Variants in PDE3B observed in about 807,000 individuals in gnomAD.
The protein encoded by PDE3B is cGMP-inhibited 3',5'-cyclic phosphodiesterase 3B.
Under a neutral mutation model 116.8 loss-of-function variants are expected in PDE3B, and 66 were observed. The observed-to-expected ratio is 0.56, with a 90% CI of 0.46 to 0.69. The LOEUF (loss-of-function observed/expected upper bound fraction) is 0.69, where lower values mean the gene tolerates loss of function less well. Ranked by LOEUF, PDE3B falls within the 30% of genes least tolerant of loss-of-function variation. The pLI is 0.00. For synonymous variants in PDE3B, 595 were observed against 533.6 expected (o/e 1.12, Z -1.59); for missense variants, 1,384 against 1,368.1 (o/e 1.01, Z -0.18).
chr11:14,682,906 T>C (rs551905120), intron 1 of PDE3B, among the ~76,000 whole-genome samples: 11 of 152,074 alleles, frequency 7.2e-5, no homozygotes, highest in African/African-American at 2.4e-4. Context: ...TTCTTCTTTT[T>C]TAAATATTTT....
At chr11:14,736,383 G>A (rs373544746) in intron 1 of PDE3B, among the ~76,000 whole-genome samples, 11 of 152,206 alleles carry the variant, frequency 7.2e-5, no homozygotes, top group African/African-American at 2.2e-4. Context: ...GCCCTGGTGC[G>A]TGGGGCACAT....
intron 2 of PDE3B, chr11:14,774,414 G>C (rs143688717): frequency 4.6e-4 from 70 of 152,246 alleles, no homozygotes; most frequent in African/African-American, 1.6e-3. Context: ...AATTTCAATA[G>C]TAATAAATAC....
the PDE3B span, among the ~76,000 whole-genome samples, chr11:14,882,345 A>G: frequency 6.6e-6 from 1 of 152,140 alleles, no homozygotes; most frequent in East Asian, 1.9e-4. Flanking sequence ...CATCTGAGTA[A>G]ACATTCATAG....
intron 1 of PDE3B, among the ~76,000 whole-genome samples, chr11:14,763,119 TG>T (rs1226036715): frequency 6.6e-6 from 1 of 152,148 alleles, no homozygotes; most frequent in Non-Finnish European, 1.5e-5. Flanking sequence ...GTCACAGCAA[TG>T]TTAAAACATC....
At chr11:14,819,412 C>T (rs563862038) in intron 7 of PDE3B, among the ~76,000 whole-genome samples, 59 of 151,954 alleles carry the variant, frequency 3.9e-4, no homozygotes, top group African/African-American at 1.4e-3. Flanking sequence ...TAAAAATGTC[C>T]CATACAAATG....
downstream of PDE3B, among the ~76,000 whole-genome samples, chr11:14,875,508 G>A (rs1848180780): frequency 6.6e-6 from 1 of 152,174 alleles, no homozygotes; most frequent in Non-Finnish European, 1.5e-5. Flanking sequence ...TGATGAGAGA[G>A]AAGGCATCCC....
intron 1 of PDE3B, among the ~76,000 whole-genome samples, chr11:14,731,979 G>C (rs980480502): frequency 6.6e-6 from 1 of 152,268 alleles, no homozygotes; most frequent in Non-Finnish European, 1.5e-5. Context: ...AATTCTAGGG[G>C]TTAGGAAAGG....
chr11:14,799,864 C>T (rs1858691433), intron 4 of PDE3B, among the ~76,000 whole-genome samples: 1 of 151,430 alleles, frequency 6.6e-6, no homozygotes, highest in South Asian at 2.1e-4. Context: ...CTGAATACAG[C>T]ACACTGATGG....
chr11:14,896,447 A>G, the PDE3B span, among the ~76,000 whole-genome samples: 1 of 152,186 alleles, frequency 6.6e-6, no homozygotes, highest in Non-Finnish European at 1.5e-5. Context: ...TGGGGTTTAC[A>G]TTCTATTGGG....
the PDE3B span, among the ~76,000 whole-genome samples, chr11:14,899,008 G>A: frequency 6.6e-6 from 1 of 152,300 alleles, no homozygotes; most frequent in Non-Finnish European, 1.5e-5. Context: ...CTCTGGCTGA[G>A]CCTGCACAGA....
intron 1 of PDE3B, among the ~76,000 whole-genome samples, chr11:14,661,024 G>C (rs1213089828): frequency 6.6e-6 from 1 of 152,180 alleles, no homozygotes; most frequent in Non-Finnish European, 1.5e-5. Flanking sequence ...GAAACAACAG[G>C]TGCTGGAGAG....
chr11:14,644,518 G>A lies in PDE3B; in HGVS notation c.443G>A (p.Ser148Asn), dbSNP rs1853317218. ...RTKRGPGPGR[S>N]CGSWWLLALP... ...AAGCGGGGACCCGGCCCGGGCCGGA[G>A]CTGCGGCTCCTGGTGGCTGCTGGCG... Residue 148 changes from serine (S) to asparagine (N), a missense_variant, in exon 1 of 16, where the codon AGC becomes AAC. Transcript: ENST00000282096. 1 of 1,608,494 alleles carries A rather than the reference G, an allele frequency of 6.2e-7. No homozygotes were observed. The highest frequency in any genetic ancestry group is 8.5e-7 in the Non-Finnish European group (1 of 1,177,708).
At chr11:14,645,711 G>T (rs534344860) in intron 1 of PDE3B, among the ~76,000 whole-genome samples, 1 of 151,876 alleles carries the variant, frequency 6.6e-6, no homozygotes, top group Non-Finnish European at 1.5e-5. Context: ...CTTTAAACTT[G>T]GTAATTCCTG....
chr11:14,810,937 C>T (rs1306288086), intron 5 of PDE3B, among the ~76,000 whole-genome samples: 1 of 149,088 alleles, frequency 6.7e-6, no homozygotes, highest in Non-Finnish European at 1.5e-5. Flanking sequence ...AGCATTTTTT[C>T]ATGTGTTTTT....
chr11:14,747,289 T>C (rs1302536204), intron 1 of PDE3B, among the ~76,000 whole-genome samples: 1 of 152,106 alleles, frequency 6.6e-6, no homozygotes, highest in Non-Finnish European at 1.5e-5. Flanking sequence ...GGGATAAACA[T>C]CCAAACCATA....
intron 11 of PDE3B, among the ~76,000 whole-genome samples, chr11:14,840,645 G>A (rs1023806425): frequency 6.6e-6 from 1 of 152,196 alleles, no homozygotes. Flanking sequence ...CAATATGCCA[G>A]TACTTCCTCA....
intron 1 of PDE3B, among the ~76,000 whole-genome samples, chr11:14,662,458 G>A (rs1426974523): frequency 6.6e-6 from 1 of 152,138 alleles, no homozygotes; most frequent in African/African-American, 2.4e-5. Flanking sequence ...GCTGGACGGA[G>A]AATGACTTTG....
At chr11:14,807,958 G>A (rs891269205) in intron 5 of PDE3B, among the ~76,000 whole-genome samples, 3 of 151,862 alleles carry the variant, frequency 2.0e-5, no homozygotes, top group Non-Finnish European at 4.4e-5. Flanking sequence ...TACTCGGGAG[G>A]TTGAGGCACG....
In PDE3B at chr11:14,819,126, A is replaced by C. The variant is rs1171396326; in HGVS notation, c.1734-10A>C. The C allele has an allele frequency of 6.6e-7, 1 of 1,520,342 alleles. No individual in the cohort carries two copies. The allele number at this position is 1,520,342 out of a possible 1,614,324, so 94.2% of individuals were successfully genotyped here. Reference sequence around the variant, plus strand: ...TTTACCGTATATATTTATCTATTTTATTCTATAAGCTGTGGACATCAAATG... The same window carrying C: ...TTTACCGTATATATTTATCTATTTTCTTCTATAAGCTGTGGACATCAAATG... On this transcript the variant is annotated splice_polypyrimidine_tract_variant and intron_variant, in intron 6 of 15. Transcript: ENST00000282096.
Sources: gnomAD v4.1 joint callset for allele counts (sites outside exome capture counted in the v4.1 genomes callset) on GRCh38, gnomAD v4.1.1 for gene constraint, MANE v1.5 for transcripts, NCBI Gene and HGNC (gene_info 2026-07-23, HGNC 2026-07-21) for gene names.